ENOPH1: variants seen among roughly 807,000 people sequenced by gnomAD.
ENOPH1 encodes the protein enolase-phosphatase 1.
Under a neutral mutation model 31.1 loss-of-function variants are expected in ENOPH1, and 14 were observed. The observed-to-expected ratio is 0.45, with a 90% CI of 0.30 to 0.70. The LOEUF (loss-of-function observed/expected upper bound fraction) is 0.70. Ranked by LOEUF, ENOPH1 falls within the 30% of genes least tolerant of loss-of-function variation. The pLI, the probability that ENOPH1 is intolerant of heterozygous loss-of-function variation, is 0.09. For synonymous variants in ENOPH1, 127 were observed against 123.2 expected, an observed-to-expected ratio of 1.03 and a Z score of -0.21; for missense variants, 243 against 321.5, an observed-to-expected ratio of 0.76 and a Z score of 1.87.
At chr4:82,432,427 C>G (rs1392563624) in intron 1 of ENOPH1, among the ~76,000 whole-genome samples, 1 of 152,248 alleles carries the variant, frequency 6.6e-6, no homozygotes, top group Non-Finnish European at 1.5e-5. Context: ...TCACTGCAAC[C>G]TCTGCCTCCC....
intron 1 of ENOPH1, among the ~76,000 whole-genome samples, chr4:82,438,220 T>C (rs1056234920): frequency 1.3e-5 from 2 of 152,164 alleles, no homozygotes; most frequent in East Asian, 1.9e-4. Context: ...AAGAAGAGTA[T>C]GATATAGAGA....
chr4:82,450,559 A>G (rs1722322743), intron 2 of ENOPH1, among the ~76,000 whole-genome samples: 1 of 152,228 alleles, frequency 6.6e-6, no homozygotes, highest in Non-Finnish European at 1.5e-5. Flanking sequence ...AGTGGCTACT[A>G]GGATTTTTGC....
At position 82,454,812 on chromosome 4, in the gene ENOPH1, G is replaced by A. The variant is rs952865336; in HGVS notation, c.480G>A (p.Gln160=). 6.2e-7 allele frequency: 1 copy of A among 1,613,942 alleles called. No homozygotes were observed. The highest frequency in any genetic ancestry group is 1.6e-4 in the Middle Eastern group (1 of 6,062). The change falls in exon 4 of 6, where the codon CAG becomes CAA. Residue 160 remains glutamine, a synonymous_variant. Transcript: ENST00000273920. Reference sequence around the variant, plus strand: ...ATTCCTCAGGGAGTGTGGAGGCACAGAAACTGTTATTCGGGCATTCTACGG... The same window carrying A: ...ATTCCTCAGGGAGTGTGGAGGCACAAAAACTGTTATTCGGGCATTCTACGG... The part of the protein sequence containing the change: ...YIYSSGSVEA[Q]KLLFGHSTEG...
At position 82,430,909 on chromosome 4, in the gene ENOPH1, T is replaced by C. The variant is rs1578089141; in HGVS notation, c.80T>C (p.Val27Ala). 6.2e-7 allele frequency: 1 copy of C among 1,613,932 alleles called. No homozygotes were observed. The highest frequency in any genetic ancestry group is 2.2e-5 in the East Asian group (1 of 44,878). Residue 27 changes from valine to alanine, a missense_variant, in exon 1 of 6, where the codon GTG (valine) becomes GCG (alanine). Val to Ala is a moderately conservative substitution (Grantham distance 64). Transcript: ENST00000273920. ...IEGTTTPIAF[V>A]KDILFPYIEE... is the part of the protein sequence containing the mutation. ...GGTACCACAACCCCGATTGCTTTCG[T>C]GAAGGTGAGGGGCGGAAGGGAGCGG...
chr4:82,445,876 A>G lies in ENOPH1; in HGVS notation c.85-2044A>G, dbSNP rs532938149. On this transcript the variant is annotated intron_variant, in intron 1 of 5. Coordinates refer to ENST00000273920, the MANE Select transcript of ENOPH1 (RefSeq NM_021204.5). ...TTGGATGATCAGGAACTCTAAAGTA[A>G]TCTCCAACTTCTAAGGCTGTTCTCG... 2.0e-5 allele frequency among the ~76,000 whole-genome samples: 3 copies of G among 152,346 alleles called. No homozygotes were observed. In the East Asian group the frequency reaches 5.8e-4, roughly 29 times the overall value.
intron 2 of ENOPH1, among the ~76,000 whole-genome samples, chr4:82,448,950 T>G (rs913403419): frequency 1.3e-5 from 2 of 148,380 alleles, no homozygotes; most frequent in African/African-American, 5.0e-5. Context: ...CCCAGCTACT[T>G]GGGAGGCTGA....
chr4:82,457,707 T>A (rs1232789998), intron 5 of ENOPH1, among the ~76,000 whole-genome samples: 1 of 152,090 alleles, frequency 6.6e-6, no homozygotes, highest in Non-Finnish European at 1.5e-5. Context: ...GGGTTGTGAG[T>A]ATAAGGGGTA....
chr4:82,442,998 G>T (rs7656508), intron 1 of ENOPH1, among the ~76,000 whole-genome samples: 17,514 of 152,110 alleles, frequency 0.12, 1,580 homozygotes, highest in African/African-American at 0.25. Flanking sequence ...GTAGAGAGGG[G>T]GTTTCACCAT....
chr4:82,460,324 AG>A lies in ENOPH1; in HGVS notation c.*205del, dbSNP rs1200242293. The A allele has an allele frequency of 5.3e-5, 25 of 475,330 alleles. No individual in the cohort carries two copies. Among genetic ancestry groups the A allele is most frequent in the Non-Finnish European group, 7.7e-5 (21 of 273,034 alleles). 29.4% of individuals were successfully genotyped at this position (475,330 alleles called of 1,614,324 possible). A position where few individuals can be genotyped will look rare whatever the true frequency, so the allele number is the denominator to read the frequency against. The stretch of plus-strand genomic sequence containing the variant: ...TTCAGTGAACACAAAACTTATTTAA[AG>A]ATGCTTTATATGTAGAAATTGTTTC... On this transcript the variant is annotated 3_prime_UTR_variant, in exon 6 of 6. Coordinates refer to ENST00000273920, the MANE Select transcript of ENOPH1 (RefSeq NM_021204.5).
At chr4:82,444,791 TAAC>T (rs1261116583) in intron 1 of ENOPH1, among the ~76,000 whole-genome samples, 3 of 152,214 alleles carry the variant, frequency 2.0e-5, no homozygotes, top group African/African-American at 7.2e-5. Flanking sequence ...TGCTAAATCA[TAAC>T]AACTCCCTAA....
At position 82,430,765 on chromosome 4, in the gene ENOPH1, C is replaced by G. The variant is rs1721717506; in HGVS notation, c.-65C>G. On this transcript the variant is annotated 5_prime_UTR_variant, in exon 1 of 6. Transcript: ENST00000273920. Reference sequence around the variant, plus strand: ...CCAAGACGGTACCGGGGGCCGCAGCCGCAGCCGGCGCCGCCCTCCGCCCTC... The same window carrying G: ...CCAAGACGGTACCGGGGGCCGCAGCGGCAGCCGGCGCCGCCCTCCGCCCTC... 1 of 1,510,430 alleles carries G rather than the reference C, an allele frequency of 6.6e-7. No individual in the cohort carries two copies. The highest frequency in any genetic ancestry group is 9.2e-7 in the Non-Finnish European group (1 of 1,088,740). 93.6% of individuals were successfully genotyped at this position (1,510,430 alleles called of 1,614,324 possible). A position where few individuals can be genotyped will look rare whatever the true frequency, so the allele number is the denominator to read the frequency against.
rs1344789947 is a variant in ENOPH1 at position 82,446,952 on chromosome 4, C to T, written c.85-968C>T. 1.3e-4 allele frequency among the ~76,000 whole-genome samples: 19 copies of T among 150,924 alleles called. No homozygotes were observed. The Middle Eastern group carries it at 0.014, about 108-fold the overall frequency. ...CGATCTCCTGACCTCATGATCCACC[C>T]GCCTCGGCCTCCCAAAGTGCTGGGA... On this transcript the variant is annotated intron_variant, in intron 1 of 5. Coordinates refer to ENST00000273920, the MANE Select transcript of ENOPH1 (RefSeq NM_021204.5).
intron 1 of ENOPH1, among the ~76,000 whole-genome samples, chr4:82,438,594 G>T (rs1047054109): frequency 1.3e-5 from 2 of 152,194 alleles, no homozygotes; most frequent in Non-Finnish European, 2.9e-5. Flanking sequence ...TAGAGACTGT[G>T]GTGAGGTGTG....
intron 1 of ENOPH1, among the ~76,000 whole-genome samples, chr4:82,442,105 T>G (rs1722055754): frequency 6.6e-6 from 1 of 152,254 alleles, no homozygotes; most frequent in East Asian, 1.9e-4. Flanking sequence ...TTTGCTAAAT[T>G]CTTCAGTCAT....
rs188575638 is a variant in ENOPH1 at position 82,430,641 on chromosome 4, C to G, written c.-189C>G. 1 of 580,342 alleles carries G rather than the reference C, an allele frequency of 1.7e-6. No individual in the cohort carries two copies. Among genetic ancestry groups the G allele is most frequent in the Non-Finnish European group, 3.1e-6 (1 of 325,912 alleles). The allele number at this position is 580,342 out of a possible 1,614,324, so 35.9% of individuals were successfully genotyped here. On this transcript the variant is annotated 5_prime_UTR_variant, in exon 1 of 6. Transcript: ENST00000273920. ...CACGAGTTCAGGGCTCCTGGGCGGC[C>G]GCCTTTTCCAGTTCCAGGTGTGCAG...
chr4:82,432,722 C>T (rs1721804217), intron 1 of ENOPH1, among the ~76,000 whole-genome samples: 1 of 152,156 alleles, frequency 6.6e-6, no homozygotes, highest in South Asian at 2.1e-4. Context: ...GTGGTGCAAC[C>T]TCTGCTTCCG....
At chr4:82,457,584 A>G (rs1722523994) in intron 5 of ENOPH1, among the ~76,000 whole-genome samples, 1 of 152,016 alleles carries the variant, frequency 6.6e-6, no homozygotes, top group African/African-American at 2.4e-5. Flanking sequence ...TTCTCGTTTA[A>G]CTCCTTGTCC....
At chr4:82,452,764 T>A (rs921361230) in intron 3 of ENOPH1, among the ~76,000 whole-genome samples, 2 of 151,904 alleles carry the variant, frequency 1.3e-5, no homozygotes, top group Non-Finnish European at 2.9e-5. Context: ...TTTTTTGTAT[T>A]TTAGTAGAGA....
rs1283747278 is a variant in ENOPH1 at position 82,460,885 on chromosome 4, G to A, written c.*765G>A. ...TTTCTAACTACTTAGCACAGTTTGA[G>A]AATACGTTAATTGCTATTTACTATT... On this transcript the variant is annotated 3_prime_UTR_variant, in exon 6 of 6. Coordinates refer to ENST00000273920, the MANE Select transcript of ENOPH1 (RefSeq NM_021204.5). The A allele has an allele frequency of 6.6e-6, 1 of 152,194 alleles. No individual in the cohort carries two copies. Among genetic ancestry groups the A allele is most frequent in the Non-Finnish European group, 1.5e-5 (1 of 68,040 alleles). The allele number at this position is 152,194 out of a possible 1,614,324, so 9.4% of individuals were successfully genotyped here.
Sources: gnomAD v4.1 joint callset for allele counts (sites outside exome capture counted in the v4.1 genomes callset) on GRCh38, gnomAD v4.1.1 for gene constraint, MANE v1.5 for transcripts, NCBI Gene and HGNC (gene_info 2026-07-23, HGNC 2026-07-21) for gene names.